KIF18A: variants seen among roughly 807,000 people sequenced by gnomAD.
KIF18A encodes kinesin family member 18A.
In KIF18A, 67 loss-of-function variants were observed where a neutral mutation model predicts 103.3. The ratio of observed to expected loss-of-function variants is 0.65; its 90% confidence interval spans 0.53 to 0.79. The LOEUF (loss-of-function observed/expected upper bound fraction) is 0.79, where lower values mean the gene tolerates loss of function less well. KIF18A is among the 30% of genes least tolerant of loss of function. The pLI is 0.00. For synonymous variants in KIF18A, 367 were observed against 355.5 expected (o/e 1.03, Z -0.36); for missense variants, 1,032 against 1,062.5 (o/e 0.97, Z 0.40).
chr11:28,091,909 G>A lies in KIF18A; in HGVS notation c.484-396C>T, dbSNP rs567885407. Among the ~76,000 whole-genome samples, 11 of 152,184 alleles carry A rather than the reference G, an allele frequency of 7.2e-5. No individual in the cohort carries two copies. In the South Asian group the frequency reaches 2.1e-3, roughly 29 times the overall value. ...CGGCTCACTGCAAGCTCCGCCTCCC[G>A]GGTTCTCACCATTCTGCTGCCTCAG... On this transcript the variant is annotated intron_variant, in intron 3 of 16. Coordinates refer to ENST00000263181, the MANE Select transcript of KIF18A (RefSeq NM_031217.4).
Position 28,094,654 on chromosome 11 carries a change from A to C in KIF18A, c.472T>G (p.Ser158Ala). ...KEEKICSTAV[S>A]YLEVYNEQIR... The stretch of plus-strand genomic sequence containing the variant: ...AATTCCCAACTTACCTCCAGATATG[A>C]AACTGCAGTACTACATATTTTCTCT... The change falls in exon 3 of 17, where the codon TCA becomes GCA. Residue 158 changes from serine (S) to alanine (A), a missense_variant. Coordinates refer to ENST00000263181, the MANE Select transcript of KIF18A (RefSeq NM_031217.4). 1 of 1,608,508 alleles carries C rather than the reference A, an allele frequency of 6.2e-7. No individual in the cohort carries two copies. Among genetic ancestry groups the C allele is most frequent in the Non-Finnish European group, 8.5e-7 (1 of 1,175,910 alleles).
intron 12 of KIF18A, 28 bp from the exon 13 acceptor site, chr11:28,059,189 G>A (rs773127434): frequency 6.8e-7 from 1 of 1,459,890 alleles, no homozygotes; most frequent in East Asian, 2.3e-5. Context: ...GAAGAAAGGA[G>A]AGATAAATAT....
At chr11:28,035,853 T>C (rs1850478556) in intron 14 of KIF18A, among the ~76,000 whole-genome samples, 2 of 151,514 alleles carry the variant, frequency 1.3e-5, no homozygotes, top group Admixed American at 1.3e-4. Flanking sequence ...TAAGTTGAGG[T>C]TTGCTAAACA....
At chr11:28,087,908 T>C (rs1851250217) in intron 6 of KIF18A, among the ~76,000 whole-genome samples, 1 of 152,328 alleles carries the variant, frequency 6.6e-6, no homozygotes, top group East Asian at 1.9e-4. Flanking sequence ...TGCCATATTA[T>C]AATTTTTTTG....
chr11:28,053,798 A>G (rs116435155), intron 13 of KIF18A, among the ~76,000 whole-genome samples: 99 of 152,192 alleles, frequency 6.5e-4, no homozygotes, highest in African/African-American at 2.2e-3. Context: ...ACATGAGCTG[A>G]TAAGTTTTAA....
At chr11:28,025,688 T>C (rs1307176800) in intron 15 of KIF18A, among the ~76,000 whole-genome samples, 1 of 152,012 alleles carries the variant, frequency 6.6e-6, no homozygotes, top group Non-Finnish European at 1.5e-5. Context: ...GTTTAACATT[T>C]ATGTTGTAGG....
intron 15 of KIF18A, among the ~76,000 whole-genome samples, chr11:28,027,061 G>A (rs1200385847): frequency 6.6e-6 from 1 of 151,756 alleles, no homozygotes; most frequent in African/African-American, 2.4e-5. Context: ...ATTCACTTAT[G>A]AGAAGATACT....
intron 11 of KIF18A, among the ~76,000 whole-genome samples, chr11:28,066,963 G>A (rs981748175): frequency 6.6e-6 from 1 of 151,602 alleles, no homozygotes; most frequent in East Asian, 1.9e-4. Flanking sequence ...TATTTGTTAA[G>A]TGTTGCTAGG....
intron 10 of KIF18A, chr11:28,076,514 A>C (rs1851092482): frequency 6.6e-6 from 1 of 152,176 alleles, no homozygotes; most frequent in African/African-American, 2.4e-5. Flanking sequence ...CAGGAATTAA[A>C]ATTTCTTTCT....
At position 28,069,415 on chromosome 11, in the gene KIF18A, T is replaced by C. The variant is rs1457085282; in HGVS notation, c.1434A>G (p.Gly478=). 6.2e-7 allele frequency: 1 copy of C among 1,612,662 alleles called. No homozygotes were observed. Among genetic ancestry groups the C allele is most frequent in the Non-Finnish European group, 8.5e-7 (1 of 1,179,528 alleles). The part of the protein sequence containing the change: ...CSEDKVEKAT[G]KRDHRLAMLK... Reference sequence around the variant, plus strand: ...ACATTGCAAGTCTATGATCTCGTTTTCCAGTGGCCTGAAACACGATTCATT... The same window carrying C: ...ACATTGCAAGTCTATGATCTCGTTTCCCAGTGGCCTGAAACACGATTCATT... Residue 478 remains glycine (G), a synonymous_variant, in exon 11 of 17, where the codon GGA becomes GGG. Coordinates refer to ENST00000263181, the MANE Select transcript of KIF18A (RefSeq NM_031217.4).
intron 14 of KIF18A, among the ~76,000 whole-genome samples, chr11:28,036,005 G>A (rs746795368): frequency 4.6e-5 from 7 of 151,300 alleles, no homozygotes; most frequent in Admixed American, 6.6e-5. Flanking sequence ...CTAGACTAAC[G>A]ACGGTCAACT....
Position 28,092,475 on chromosome 11 carries a change from A to G in KIF18A, c.484-962T>C, listed in dbSNP as rs1295049300. The stretch of plus-strand genomic sequence containing the variant: ...TAGGAACTGGAGCCTAGACAGCTTC[A>G]CTCTACTGCATCATACTGAATACAT... On this transcript the variant is annotated intron_variant, in intron 3 of 16. Coordinates refer to ENST00000263181, the MANE Select transcript of KIF18A (RefSeq NM_031217.4). Among the ~76,000 whole-genome samples the G allele has an allele frequency of 2.0e-5, 3 of 152,116 alleles. No individual in the cohort carries two copies. The East Asian group carries it at 5.8e-4, about 29-fold the overall frequency.
At chr11:28,077,911 A>G (rs1021508428) in intron 9 of KIF18A, among the ~76,000 whole-genome samples, 1 of 152,164 alleles carries the variant, frequency 6.6e-6, no homozygotes, top group Non-Finnish European at 1.5e-5. Flanking sequence ...ACAGACTTCA[A>G]GCTGATTAAA....
chr11:28,039,385 G>A (rs1292494543), intron 13 of KIF18A, among the ~76,000 whole-genome samples: 1 of 151,640 alleles, frequency 6.6e-6, no homozygotes, highest in Non-Finnish European at 1.5e-5. Flanking sequence ...ATTGAAACAG[G>A]TATATATGTT....
intron 1 of KIF18A, among the ~76,000 whole-genome samples, chr11:28,102,114 C>T (rs910667830): frequency 2.0e-5 from 3 of 152,126 alleles, no homozygotes; most frequent in Non-Finnish European, 2.9e-5. Context: ...GAATCCCCTT[C>T]CCTCTTTGTT....
chr11:28,052,945 C>T (rs1476768356), intron 13 of KIF18A, among the ~76,000 whole-genome samples: 1 of 152,088 alleles, frequency 6.6e-6, no homozygotes, highest in Admixed American at 6.6e-5. Flanking sequence ...AAAAAACACA[C>T]TCAACTATAT....
chr11:28,030,739 C>T (rs1850388202), intron 15 of KIF18A, among the ~76,000 whole-genome samples: 1 of 149,146 alleles, frequency 6.7e-6, no homozygotes, highest in African/African-American at 2.5e-5. Flanking sequence ...TCAGAGTGAA[C>T]AGGCAACCTA....
In KIF18A at chr11:28,090,678, T is replaced by G; in HGVS notation, c.638A>C (p.Asn213Thr). Residue 213 changes from asparagine to threonine, a missense_variant, in exon 5 of 17, where the codon AAC becomes ACC. Physicochemically the swap from Asn to Thr is moderately conservative, Grantham distance 65. Transcript: ENST00000263181. Reference protein sequence around the residue: ...ILHLLDNGNKNRTQHPTDMNA... With the variant: ...ILHLLDNGNKTRTQHPTDMNA... ...CATATCAGTGGGATGTTGTGTCCTG[T>G]TTTTGTTTCCATTATCCAATAAATG... 1 of 1,610,930 alleles carries G rather than the reference T, an allele frequency of 6.2e-7. No homozygotes were observed. Among genetic ancestry groups the G allele is most frequent in the Non-Finnish European group, 8.5e-7 (1 of 1,177,814 alleles).
At chr11:28,061,182 T>C (rs532253731) in intron 12 of KIF18A, among the ~76,000 whole-genome samples, 1 of 152,298 alleles carries the variant, frequency 6.6e-6, no homozygotes, top group African/African-American at 2.4e-5. Flanking sequence ...TTCAAAAACT[T>C]TATATGAAAT....
Sources: allele counts gnomAD v4.1 joint callset (sites outside exome capture counted in the v4.1 genomes callset), GRCh38; gene constraint gnomAD v4.1.1; transcripts MANE v1.5; gene names NCBI Gene and HGNC (gene_info 2026-07-23, HGNC 2026-07-21).